Variants in ANKDD1B observed in about 807,000 individuals in gnomAD.
ANKDD1B encodes the protein ankyrin repeat and death domain-containing protein 1B.
In ANKDD1B, 57 loss-of-function variants were observed where a neutral mutation model predicts 59.7. The observed-to-expected ratio is 0.95, with a 90% CI of 0.77 to 1.19. ANKDD1B has a LOEUF of 1.19. Ranked by LOEUF, ANKDD1B falls within the 50% of genes most tolerant of loss-of-function variation. The pLI, the probability that ANKDD1B is intolerant of heterozygous loss-of-function variation, is 0.00. For missense variants in ANKDD1B, 602 were observed against 641.9 expected, an observed-to-expected ratio of 0.94 and a Z score of 0.67; for synonymous variants, 216 against 239.5, an observed-to-expected ratio of 0.90 and a Z score of 0.91.
At chr5:75,659,928 C>CT (rs563713857) in intron 10 of ANKDD1B, among the ~76,000 whole-genome samples, 135 of 145,614 alleles carry the variant, frequency 9.3e-4, no homozygotes, top group Admixed American at 3.0e-3. Context: ...TTTCTTCATT[C>CT]TTTTTTTTTT....
intron 5 of ANKDD1B, among the ~76,000 whole-genome samples, chr5:75,630,094 C>T (rs1774108150): frequency 6.6e-6 from 1 of 152,172 alleles, no homozygotes; most frequent in Admixed American, 6.5e-5. Context: ...CAAGCTCCAC[C>T]ATCCTCCTGG....
At chr5:75,658,219 A>C (rs911350955) in intron 9 of ANKDD1B, among the ~76,000 whole-genome samples, 1 of 152,060 alleles carries the variant, frequency 6.6e-6, no homozygotes, top group Non-Finnish European at 1.5e-5. Context: ...TAAAATATAA[A>C]TAAATATATA....
In ANKDD1B at chr5:75,628,282, G is replaced by A. The variant is rs139909520; in HGVS notation, c.600+2327G>A. Among the ~76,000 whole-genome samples the A allele has an allele frequency of 1.1e-3, 168 of 152,302 alleles. 1 individual carries two copies. In the East Asian group the frequency reaches 0.028, roughly 25 times the overall value. On this transcript the variant is annotated intron_variant, in intron 5 of 13. Transcript: ENST00000601380. ...ATTCCAGTTTTGCAAGATGAAAAGCGTTATGGAGATGGATGGTAGTGATGG... is the reference window on the plus strand; with the variant it reads ...ATTCCAGTTTTGCAAGATGAAAAGCATTATGGAGATGGATGGTAGTGATGG...
intron 7 of ANKDD1B, among the ~76,000 whole-genome samples, chr5:75,642,519 G>A (rs1402196483): frequency 5.1e-5 from 7 of 137,566 alleles, no homozygotes; most frequent in East Asian, 4.3e-4. Flanking sequence ...ACTCCCACCC[G>A]AATATTGCGC....
At chr5:75,638,508 A>G (rs1774375846) in intron 7 of ANKDD1B, among the ~76,000 whole-genome samples, 1 of 152,254 alleles carries the variant, frequency 6.6e-6, no homozygotes, top group Non-Finnish European at 1.5e-5. Context: ...ATCAGTAAAG[A>G]AAGTTTGATC....
At chr5:75,656,376 A>G (rs911884478) in intron 9 of ANKDD1B, among the ~76,000 whole-genome samples, 1 of 152,200 alleles carries the variant, frequency 6.6e-6, no homozygotes, top group African/African-American at 2.4e-5. Context: ...TAACAGGCCC[A>G]GCATTTTTGA....
Position 75,635,840 on chromosome 5 carries a change from G to A in ANKDD1B, c.756G>A (p.Gln252=), listed in dbSNP as rs1561438569. The part of the protein sequence containing the change: ...AAKHGHSPAV[Q]VLLAQWQDIN... Reference sequence around the variant, plus strand: ...AGCATGGTCACAGTCCTGCAGTGCAGGTGCTGCTAGCCCAGTGGCAAGACA... The same window carrying A: ...AGCATGGTCACAGTCCTGCAGTGCAAGTGCTGCTAGCCCAGTGGCAAGACA... The change falls in exon 7 of 14, where the codon CAG becomes CAA. Residue 252 remains glutamine (Q), a synonymous_variant. Transcript: ENST00000601380. 8 of 1,534,158 alleles carry A rather than the reference G, an allele frequency of 5.2e-6. No individual in the cohort carries two copies. The highest frequency in any genetic ancestry group is 7.0e-6 in the Non-Finnish European group (8 of 1,145,718).
intron 7 of ANKDD1B, among the ~76,000 whole-genome samples, chr5:75,640,270 CCTGAG>C: frequency 6.6e-6 from 1 of 152,244 alleles, no homozygotes; most frequent in South Asian, 2.1e-4. Flanking sequence ...GTCTTGAACT[CCTGAG>C]CTCAAGTATT....
intron 8 of ANKDD1B, among the ~76,000 whole-genome samples, chr5:75,655,377 G>A (rs1179094890): frequency 6.6e-6 from 1 of 152,214 alleles, no homozygotes; most frequent in African/African-American, 2.4e-5. Flanking sequence ...GTGCCCCTGA[G>A]TAAGGGGGAC....
At chr5:75,639,941 CATTT>C (rs1203203284) in intron 7 of ANKDD1B, among the ~76,000 whole-genome samples, 1 of 152,212 alleles carries the variant, frequency 6.6e-6, no homozygotes, top group East Asian at 1.9e-4. Flanking sequence ...TGTCATGTAA[CATTT>C]AATCAGTTGT....
intron 11 of ANKDD1B, among the ~76,000 whole-genome samples, 173 bp from the exon 12 acceptor site, chr5:75,666,619 C>A (rs1775311104): frequency 1.3e-5 from 1 of 77,670 alleles, no homozygotes. Flanking sequence ...GCATTTATTT[C>A]CATTTTGGAT....
intron 10 of ANKDD1B, among the ~76,000 whole-genome samples, chr5:75,659,689 T>G (rs922535268): frequency 6.6e-6 from 1 of 152,182 alleles, no homozygotes; most frequent in Non-Finnish European, 1.5e-5. Flanking sequence ...CCCACCCCTG[T>G]TCCTACTTGT....
intron 7 of ANKDD1B, among the ~76,000 whole-genome samples, chr5:75,649,033 G>C (rs116668811): frequency 0.039 from 5,962 of 152,160 alleles, 353 homozygotes; most frequent in African/African-American, 0.13. Context: ...GGGTGGAGGG[G>C]CTGCCCAGAA....
intron 5 of ANKDD1B, among the ~76,000 whole-genome samples, chr5:75,629,381 G>A (rs762307379): frequency 1.2e-4 from 18 of 151,912 alleles, no homozygotes; most frequent in Non-Finnish European, 2.2e-4. Context: ...TTGTAGGCAG[G>A]AACATGCACT....
chr5:75,665,474 C>T (rs1775281454), intron 11 of ANKDD1B, among the ~76,000 whole-genome samples: 1 of 152,212 alleles, frequency 6.6e-6, no homozygotes, highest in African/African-American at 2.4e-5. Context: ...GTGAAGTGGC[C>T]CACAGCTCCC....
In ANKDD1B at chr5:75,656,028, G is replaced by T. The variant is rs1157148379; in HGVS notation, c.898-1G>T. ...TTTGAAATTTTTATTTCTCTCTGCA[G>T]CCTAAGGAGTCCCCTCTTCATTTAG... On this transcript the variant is annotated splice_acceptor_variant, in intron 8 of 13. Transcript: ENST00000601380. LOFTEE classifies it high-confidence loss of function. The T allele has an allele frequency of 2.1e-6, 3 of 1,433,126 alleles. No homozygotes were observed. The highest frequency in any genetic ancestry group is 1.2e-5 in the South Asian group (1 of 80,668). The allele number at this position is 1,433,126 out of a possible 1,614,324, so 88.8% of individuals were successfully genotyped here.
intron 5 of ANKDD1B, among the ~76,000 whole-genome samples, chr5:75,634,023 A>G (rs1454641981): frequency 6.6e-6 from 1 of 152,154 alleles, no homozygotes; most frequent in African/African-American, 2.4e-5. Flanking sequence ...GAAAGCCCTC[A>G]CCAGAAGCCA....
chr5:75,614,193 C>G (rs1468793211), intron 1 of ANKDD1B, among the ~76,000 whole-genome samples: 1 of 152,076 alleles, frequency 6.6e-6, no homozygotes, highest in Admixed American at 6.6e-5. Context: ...GTAGCAGTAG[C>G]CAGAGTGTTA....
At chr5:75,630,133 G>A (rs1299657595) in intron 5 of ANKDD1B, among the ~76,000 whole-genome samples, 1 of 152,118 alleles carries the variant, frequency 6.6e-6, no homozygotes, top group African/African-American at 2.4e-5. Context: ...TTCCAAGTAA[G>A]GGAGGTCCTA....
Sources: allele counts gnomAD v4.1 joint callset (sites outside exome capture counted in the v4.1 genomes callset), GRCh38; gene constraint gnomAD v4.1.1; transcripts MANE v1.5; gene names NCBI Gene and HGNC (gene_info 2026-07-23, HGNC 2026-07-21).